Variants in MPLKIP observed in about 807,000 individuals in gnomAD.
MPLKIP encodes the protein M-phase-specific PLK1-interacting protein.
A neutral mutation model predicts 16.9 loss-of-function variants in MPLKIP; 16 were observed. That is an observed-to-expected ratio of 0.94 (90% CI 0.64 to 1.43). MPLKIP has a LOEUF of 1.43. Ranked by LOEUF, MPLKIP falls within the 40% of genes most tolerant of loss-of-function variation. The probability of loss-of-function intolerance (pLI) is 0.00; values close to 1 mark genes in which losing one functional copy is unlikely to be tolerated. For synonymous variants in MPLKIP, 126 were observed against 98.4 expected (o/e 1.28, Z -1.66); for missense variants, 282 against 237.6 (o/e 1.19, Z -1.23).
In MPLKIP at chr7:40,134,391, C is replaced by A. The variant is rs752976246; in HGVS notation, c.177G>T (p.Arg59Ser). ...GCGGAGAGTGACTGCTCCCGTACGG[C>A]CTAGACCGGGGCCCGTACGGCGGCG... ...HHTPPYGPRS[R>S]PYGSSHSPRH... Residue 59 changes from arginine to serine, a missense_variant, in exon 1 of 2, where the codon AGG (arginine) becomes AGT (serine). By Grantham distance (110) the Arg-to-Ser change is moderately radical. Coordinates refer to ENST00000306984, the MANE Select transcript of MPLKIP (RefSeq NM_138701.4). The A allele has an allele frequency of 8.3e-5, 129 of 1,560,782 alleles. No homozygotes were observed. The highest frequency in any genetic ancestry group is 1.8e-5 in the Non-Finnish European group (21 of 1,154,106).
Position 40,132,914 on chromosome 7 carries a change from A to T in MPLKIP, c.*145T>A. 1 of 756,618 alleles carries T rather than the reference A, an allele frequency of 1.3e-6. No homozygotes were observed. The highest frequency in any genetic ancestry group is 2.2e-6 in the Non-Finnish European group (1 of 444,738). 46.9% of individuals were successfully genotyped at this position (756,618 alleles called of 1,614,324 possible). Reference sequence around the variant, plus strand: ...TACTTTTTTCTCTAATATCAACAATACCTGATACGATGAAAAATAACAAAA... The same window carrying T: ...TACTTTTTTCTCTAATATCAACAATTCCTGATACGATGAAAAATAACAAAA... On this transcript the variant is annotated 3_prime_UTR_variant, in exon 2 of 2. Coordinates refer to ENST00000306984, the MANE Select transcript of MPLKIP (RefSeq NM_138701.4).
rs760264642 is a variant in MPLKIP, at chr7:40,133,013, C to A, written c.*46G>T. The A allele has an allele frequency of 1.5e-5, 23 of 1,550,026 alleles. No homozygotes were observed. The South Asian group carries it at 2.6e-4, about 17-fold the overall frequency. On this transcript the variant is annotated 3_prime_UTR_variant, in exon 2 of 2. Transcript: ENST00000306984. Reference sequence around the variant, plus strand: ...TATCAACACAACTTAAAGTTTTGTCCAAGATGTTCCTGACACATGAAGCTT... The same window carrying A: ...TATCAACACAACTTAAAGTTTTGTCAAAGATGTTCCTGACACATGAAGCTT...
chr7:40,130,340 CG>C lies in MPLKIP; in HGVS notation c.*2718del, dbSNP rs1173269405. 8 of 152,138 alleles carry C rather than the reference CG, an allele frequency of 5.3e-5. No homozygotes were observed. Among genetic ancestry groups the C allele is most frequent in the African/African-American group, 1.9e-4 (8 of 41,430 alleles). The allele number at this position is 152,138 out of a possible 1,614,324, so 9.4% of individuals were successfully genotyped here. A position where few individuals can be genotyped will look rare whatever the true frequency, so the allele number is the denominator to read the frequency against. On this transcript the variant is annotated 3_prime_UTR_variant, in exon 2 of 2. Transcript: ENST00000306984. ...ACTCAGATAAATAAAAATAGAGTAA[CG>C]GTAACAAACCAAATGGCCAATGCCA...
In MPLKIP at chr7:40,130,935, G is replaced by A. The variant is rs1181067261; in HGVS notation, c.*2124C>T. The stretch of plus-strand genomic sequence containing the variant: ...TTATCACTTAAGTACCTACTATCTT[G>A]CAGACACTATTCTAAAAACTAAGGA... On this transcript the variant is annotated 3_prime_UTR_variant, in exon 2 of 2. Coordinates refer to ENST00000306984, the MANE Select transcript of MPLKIP (RefSeq NM_138701.4). 1.3e-5 allele frequency: 2 copies of A among 152,116 alleles called. No individual in the cohort carries two copies. Among genetic ancestry groups the A allele is most frequent in the Non-Finnish European group, 2.9e-5 (2 of 68,032 alleles). 9.4% of individuals were successfully genotyped at this position (152,116 alleles called of 1,614,324 possible). A position where few individuals can be genotyped will look rare whatever the true frequency, so the allele number is the denominator to read the frequency against.
Position 40,126,258 on chromosome 7 carries a change from G to T in MPLKIP, c.*6801C>A, listed in dbSNP as rs1011942089. 6.6e-6 allele frequency: 1 copy of T among 152,010 alleles called. No individual in the cohort carries two copies. Among genetic ancestry groups the T allele is most frequent in the Non-Finnish European group, 1.5e-5 (1 of 68,008 alleles). 9.4% of individuals were successfully genotyped at this position (152,010 alleles called of 1,614,324 possible). ...TGTTTTGCAGACTTTTAAATTTGAC[G>T]TAAAGAATATCACATAAGTTTTGCT... is the stretch of plus-strand genomic sequence containing the variant. On this transcript the variant is annotated 3_prime_UTR_variant, in exon 2 of 2. Transcript: ENST00000306984.
rs750752125 is a variant in MPLKIP, at chr7:40,133,067, A to G, written c.532T>C (p.Phe178Leu). Residue 178 changes from phenylalanine to leucine, a missense_variant, in exon 2 of 2, where the codon TTT (phenylalanine) becomes CTT (leucine). By Grantham distance (22) the Phe-to-Leu change is conservative. Coordinates refer to ENST00000306984, the MANE Select transcript of MPLKIP (RefSeq NM_138701.4). ...GTTGAATTTCAGAAATGTTAACAAA[A>G]GTATCTTCCTTTTTTGCCTGTGAAT... ...QTFTGKKGRY[F>L]C 2 of 1,613,698 alleles carry G rather than the reference A, an allele frequency of 1.2e-6. No homozygotes were observed. Among genetic ancestry groups the G allele is most frequent in the African/African-American group, 2.7e-5 (2 of 74,914 alleles).
In MPLKIP at chr7:40,130,852, T is replaced by G. The variant is rs553782233; in HGVS notation, c.*2207A>C. On this transcript the variant is annotated 3_prime_UTR_variant, in exon 2 of 2. Coordinates refer to ENST00000306984, the MANE Select transcript of MPLKIP (RefSeq NM_138701.4). ...GGAAAAATTACTAAGTTATCCCTTT[T>G]ATATACAGGGTGTAGGTAGAACAAT... 17 of 152,352 alleles carry G rather than the reference T, an allele frequency of 1.1e-4. No individual in the cohort carries two copies. The highest frequency in any genetic ancestry group is 2.1e-4 in the South Asian group (1 of 4,830). 9.4% of individuals were successfully genotyped at this position (152,352 alleles called of 1,614,324 possible).
chr7:40,131,232 C>G lies in MPLKIP; in HGVS notation c.*1827G>C, dbSNP rs1787458333. ...TCTAAAAGCCTTCCATTCTTATTTT[C>G]TAGTCTCTGTGAAATACCTAATGAA... On this transcript the variant is annotated 3_prime_UTR_variant, in exon 2 of 2. Coordinates refer to ENST00000306984, the MANE Select transcript of MPLKIP (RefSeq NM_138701.4). 6.6e-6 allele frequency: 1 copy of G among 152,130 alleles called. No homozygotes were observed. The highest frequency in any genetic ancestry group is 2.4e-5 in the African/African-American group (1 of 41,392). 9.4% of individuals were successfully genotyped at this position (152,130 alleles called of 1,614,324 possible).
chr7:40,131,467 A>T lies in MPLKIP; in HGVS notation c.*1592T>A, dbSNP rs1473358158. ...GTAAACTCAGCACTGTGGGAGGCTG[A>T]GATGGGTGGATCATTTGAGATCATG... On this transcript the variant is annotated 3_prime_UTR_variant, in exon 2 of 2. Transcript: ENST00000306984. The T allele has an allele frequency of 6.6e-6, 1 of 151,658 alleles. No individual in the cohort carries two copies. The highest frequency in any genetic ancestry group is 1.5e-5 in the Non-Finnish European group (1 of 68,050). The allele number at this position is 151,658 out of a possible 1,614,324, so 9.4% of individuals were successfully genotyped here.
In MPLKIP at chr7:40,134,496, T is replaced by G; in HGVS notation, c.72A>C (p.Gly24=). Residue 24 remains glycine, a synonymous_variant, in exon 1 of 2, where the codon GGA becomes GGC. Transcript: ENST00000306984. ...PGPGGGGWGS[G]SSFRGTPGGG... The stretch of plus-strand genomic sequence containing the variant: ...CGCCCGGGGTTCCCCGGAAGCTGCT[T>G]CCGCTACCCCAACCTCCTCCACCCG... The G allele has an allele frequency of 6.3e-7, 1 of 1,582,906 alleles. No homozygotes were observed. Among genetic ancestry groups the G allele is most frequent in the South Asian group, 1.1e-5 (1 of 87,168 alleles).
Position 40,134,380 on chromosome 7 carries a change from C to T in MPLKIP, c.188G>A (p.Ser63Asn). Reference sequence around the variant, plus strand: ...GCCGCCGTGTCGCGGAGAGTGACTGCTCCCGTACGGCCTAGACCGGGGCCC... The same window carrying T: ...GCCGCCGTGTCGCGGAGAGTGACTGTTCCCGTACGGCCTAGACCGGGGCCC... ...PYGPRSRPYG[S>N]SHSPRHGGSF... is the part of the protein sequence containing the mutation. Residue 63 changes from serine (S) to asparagine (N), a missense_variant, in exon 1 of 2, where the codon AGC becomes AAC. Ser to Asn is a conservative substitution (Grantham distance 46). Coordinates refer to ENST00000306984, the MANE Select transcript of MPLKIP (RefSeq NM_138701.4). 1 of 1,558,222 alleles carries T rather than the reference C, an allele frequency of 6.4e-7. No individual in the cohort carries two copies. Among genetic ancestry groups the T allele is most frequent in the Non-Finnish European group, 8.7e-7 (1 of 1,152,342 alleles).
In MPLKIP at chr7:40,134,438, C is replaced by A. The variant is rs756038629; in HGVS notation, c.130G>T (p.Gly44Trp). The A allele has an allele frequency of 6.4e-7, 1 of 1,567,250 alleles. No homozygotes were observed. The highest frequency in any genetic ancestry group is 2.4e-5 in the East Asian group (1 of 42,304). The change falls in exon 1 of 2, where the codon GGG (glycine) becomes TGG (tryptophan). Residue 44 changes from glycine to tryptophan, a missense_variant. Gly to Trp is a radical substitution (Grantham distance 184, BLOSUM62 -2). Transcript: ENST00000306984. ...GGCGTGTGGTGCGGACTCCCGTACC[C>A]GTCTCGAGGGGAGGGCGGCCGTGGT... Reference protein sequence around the residue: ...GGPRPPSPRDGYGSPHHTPPY... With the variant: ...GGPRPPSPRDWYGSPHHTPPY...
At position 40,132,817 on chromosome 7, in the gene MPLKIP, G is replaced by A; in HGVS notation, c.*242C>T. ...AAATGTCCATTATGTAACCAGGAAT[G>A]TTAAATATATGGAAACGGTAAATCT... On this transcript the variant is annotated 3_prime_UTR_variant, in exon 2 of 2. Transcript: ENST00000306984. 1 of 523,686 alleles carries A rather than the reference G, an allele frequency of 1.9e-6. No homozygotes were observed. The highest frequency in any genetic ancestry group is 3.4e-6 in the Non-Finnish European group (1 of 291,528). The allele number at this position is 523,686 out of a possible 1,614,324, so 32.4% of individuals were successfully genotyped here. A position where few individuals can be genotyped will look rare whatever the true frequency, so the allele number is the denominator to read the frequency against.
Position 40,130,737 on chromosome 7 carries a change from C to T in MPLKIP, c.*2322G>A, listed in dbSNP as rs985275908. ...AATAAAGTATTTAAAAAAGTATTCC[C>T]TTTGCTTTAATTTCCATTATACATC... On this transcript the variant is annotated 3_prime_UTR_variant, in exon 2 of 2. Transcript: ENST00000306984. The T allele has an allele frequency of 6.6e-6, 1 of 152,120 alleles. No individual in the cohort carries two copies. The highest frequency in any genetic ancestry group is 2.4e-5 in the African/African-American group (1 of 41,438). 9.4% of individuals were successfully genotyped at this position (152,120 alleles called of 1,614,324 possible).
Position 40,134,272 on chromosome 7 carries a change from T to C in MPLKIP, c.296A>G (p.Gln99Arg). The change falls in exon 1 of 2, where the codon CAG becomes CGG. Residue 99 changes from glutamine to arginine, a missense_variant. By Grantham distance (43) the Gln-to-Arg change is conservative. Coordinates refer to ENST00000306984, the MANE Select transcript of MPLKIP (RefSeq NM_138701.4). ...CTGCCCTGGGGAGTAGCCGAATTGC[T>C]GCTGGGACCCCGCGGGGGACCTGGA... Reference protein sequence around the residue: ...SYSRSPAGSQQQFGYSPGQQQ... With the variant: ...SYSRSPAGSQRQFGYSPGQQQ... 6.4e-7 allele frequency: 1 copy of C among 1,561,642 alleles called. No homozygotes were observed. Among genetic ancestry groups the C allele is most frequent in the African/African-American group, 1.4e-5 (1 of 73,762 alleles).
At position 40,134,379 on chromosome 7, in the gene MPLKIP, GC is replaced by G; in HGVS notation, c.188del (p.Ser63ThrfsTer90). ...TGCCGCCGTGTCGCGGAGAGTGACTGCTCCCGTACGGCCTAGACCGGGGCCC... is the reference window on the plus strand; with the variant it reads ...TGCCGCCGTGTCGCGGAGAGTGACTGTCCCGTACGGCCTAGACCGGGGCCC... ...PYGPRSRPYG[S>X]SHSPRHGGSF... On this transcript the variant is annotated frameshift_variant, in exon 1 of 2. Transcript: ENST00000306984. LOFTEE classifies it high-confidence loss of function. 6.4e-7 allele frequency: 1 copy of G among 1,557,652 alleles called. No individual in the cohort carries two copies. Among genetic ancestry groups the G allele is most frequent in the Non-Finnish European group, 8.7e-7 (1 of 1,152,082 alleles).
Position 40,132,798 on chromosome 7 carries a change from C to T in MPLKIP, c.*261G>A. The stretch of plus-strand genomic sequence containing the variant: ...TGAAAAAACATTAAAAGACAAATGT[C>T]CATTATGTAACCAGGAATGTTAAAT... On this transcript the variant is annotated 3_prime_UTR_variant, in exon 2 of 2. Coordinates refer to ENST00000306984, the MANE Select transcript of MPLKIP (RefSeq NM_138701.4). 2.1e-6 allele frequency: 1 copy of T among 479,626 alleles called. No individual in the cohort carries two copies. Among genetic ancestry groups the T allele is most frequent in the South Asian group, 2.2e-5 (1 of 45,284 alleles). 29.7% of individuals were successfully genotyped at this position (479,626 alleles called of 1,614,324 possible).
Position 40,134,575 on chromosome 7 carries a change from G to C in MPLKIP, c.-8C>G, listed in dbSNP as rs774779671. 4 of 1,581,990 alleles carry C rather than the reference G, an allele frequency of 2.5e-6. No homozygotes were observed. Among genetic ancestry groups the C allele is most frequent in the Non-Finnish European group, 3.4e-6 (4 of 1,166,966 alleles). Reference sequence around the variant, plus strand: ...AAAATTCTGTCGCTGCATATCAGGAGCCAAAGCCGAAAACCTCGCAGCCGC... The same window carrying C: ...AAAATTCTGTCGCTGCATATCAGGACCCAAAGCCGAAAACCTCGCAGCCGC... On this transcript the variant is annotated 5_prime_UTR_variant, in exon 1 of 2. Transcript: ENST00000306984.
Position 40,133,000 on chromosome 7 carries a change from T to C in MPLKIP, c.*59A>G, listed in dbSNP as rs1203990812. The C allele has an allele frequency of 6.8e-7, 1 of 1,472,756 alleles. No individual in the cohort carries two copies. The highest frequency in any genetic ancestry group is 9.4e-7 in the Non-Finnish European group (1 of 1,058,298). The allele number at this position is 1,472,756 out of a possible 1,614,324, so 91.2% of individuals were successfully genotyped here. On this transcript the variant is annotated 3_prime_UTR_variant, in exon 2 of 2. Coordinates refer to ENST00000306984, the MANE Select transcript of MPLKIP (RefSeq NM_138701.4). ...TTGGGTAAATTTATATCAACACAACTTAAAGTTTTGTCCAAGATGTTCCTG... is the reference window on the plus strand; with the variant it reads ...TTGGGTAAATTTATATCAACACAACCTAAAGTTTTGTCCAAGATGTTCCTG...
Sources: allele counts gnomAD v4.1 joint callset, GRCh38; gene constraint gnomAD v4.1.1; transcripts MANE v1.5; gene names NCBI Gene and HGNC (gene_info 2026-07-23, HGNC 2026-07-21).